Variants in ANK2 observed in about 807,000 individuals in gnomAD.
The protein encoded by ANK2 is ankyrin-2.
In ANK2, 83 loss-of-function variants were observed where a neutral mutation model predicts 360.5. That is an observed-to-expected ratio of 0.23 (90% CI 0.19 to 0.28). The LOEUF is 0.28. ANK2 is among the 10% of genes least tolerant of loss of function. The pLI, the probability that ANK2 is intolerant of heterozygous loss-of-function variation, is 1.00. For missense variants in ANK2, 4,201 were observed against 4,795.7 expected, an observed-to-expected ratio of 0.88 and a Z score of 3.66; for synonymous variants, 1,740 against 1,759.5, an observed-to-expected ratio of 0.99 and a Z score of 0.28.
chr4:112,777,220 C>A, the ANK2 span, among the ~76,000 whole-genome samples: 8 of 152,112 alleles, frequency 5.3e-5, no homozygotes, highest in African/African-American at 1.7e-4. Flanking sequence ...AACTGGCTCA[C>A]CAAGTAAATT....
chr4:113,050,015 T>A (rs1334859841), intron 1 of ANK2, among the ~76,000 whole-genome samples: 2 of 152,192 alleles, frequency 1.3e-5, no homozygotes, highest in South Asian at 2.1e-4. Context: ...TCATAATGGA[T>A]ACACTGACTG....
rs918734441 is a variant in ANK2, at chr4:113,353,589, A to G, written c.4971A>G (p.Thr1657=). The G allele has an allele frequency of 1.2e-6, 2 of 1,613,952 alleles. No individual in the cohort carries two copies. The highest frequency in any genetic ancestry group is 1.7e-6 in the Non-Finnish European group (2 of 1,179,972). ...CVPLPKEQLQ[T]VQDKAGKKCE... ...CTCTTCCCAAAGAGCAGCTGCAGACAGTTCAAGATAAGGCAGGGAAGAAAT... is the reference window on the plus strand; with the variant it reads ...CTCTTCCCAAAGAGCAGCTGCAGACGGTTCAAGATAAGGCAGGGAAGAAAT... Residue 1657 remains threonine, a synonymous_variant, in exon 38 of 46, where the codon ACA becomes ACG. Coordinates refer to ENST00000357077, the MANE Select transcript of ANK2 (RefSeq NM_001148.6).
chr4:113,211,239 G>A (rs901951159), intron 4 of ANK2, among the ~76,000 whole-genome samples: 4 of 152,154 alleles, frequency 2.6e-5, no homozygotes, highest in Admixed American at 6.5e-5. Flanking sequence ...ACAATGTATC[G>A]AGCTAATGAT....
Position 113,282,784 on chromosome 4 carries a change from C to T in ANK2, c.1991C>T (p.Thr664Ile), listed in dbSNP as rs750029439. ...AACATTGTGACAAAGCAAGGAGTAA[C>T]TCCACTCCATCTGGCCTCGCAGGAG... ...ETNIVTKQGV[T>I]PLHLASQEGH... The change falls in exon 18 of 46, where the codon ACT (threonine) becomes ATT (isoleucine). Residue 664 changes from threonine to isoleucine, a missense_variant. Physicochemically the swap from Thr to Ile is moderately conservative, Grantham distance 89 (BLOSUM62 -1). Transcript: ENST00000357077. 1 of 1,613,978 alleles carries T rather than the reference C, an allele frequency of 6.2e-7. No homozygotes were observed. The highest frequency in any genetic ancestry group is 2.2e-5 in the East Asian group (1 of 44,870).
chr4:112,752,931 G>A, the ANK2 span, among the ~76,000 whole-genome samples: 1 of 152,184 alleles, frequency 6.6e-6, no homozygotes, highest in African/African-American at 2.4e-5. Context: ...CTCCCAAAGT[G>A]CTGGGACTAC....
chr4:113,166,186 A>T (rs2097751113), intron 1 of ANK2, among the ~76,000 whole-genome samples: 1 of 152,146 alleles, frequency 6.6e-6, no homozygotes, highest in African/African-American at 2.4e-5. Flanking sequence ...AACACCTAAG[A>T]AAGTTTTCAC....
chr4:112,845,212 G>A (rs532715170), intron 1 of ANK2, among the ~76,000 whole-genome samples: 1 of 152,176 alleles, frequency 6.6e-6, no homozygotes, highest in African/African-American at 2.4e-5. Context: ...AGAATGTGGA[G>A]TAATGCAACA....
chr4:112,895,783 T>C (rs1309592192), intron 1 of ANK2, among the ~76,000 whole-genome samples: 3 of 152,238 alleles, frequency 2.0e-5, no homozygotes, highest in Admixed American at 2.0e-4. Flanking sequence ...GAGTTTATTT[T>C]CCTGAGTATT....
At chr4:112,933,494 A>C (rs1471387438) in intron 2 of ANK2, among the ~76,000 whole-genome samples, 2 of 150,730 alleles carry the variant, frequency 1.3e-5, no homozygotes, top group Non-Finnish European at 3.0e-5. Context: ...AGGATCAGAC[A>C]GTCTAATTCT....
intron 2 of ANK2, among the ~76,000 whole-genome samples, chr4:112,920,413 A>G (rs1398859730): frequency 2.6e-5 from 4 of 152,200 alleles, no homozygotes; most frequent in Non-Finnish European, 5.9e-5. Flanking sequence ...TGTGTTTTCT[A>G]TCAAAAAACC....
At chr4:113,207,686 CAAAAAAAAA>C (rs34818513) in intron 4 of ANK2, among the ~76,000 whole-genome samples, 3 of 101,654 alleles carry the variant, frequency 3.0e-5, no homozygotes, top group African/African-American at 1.0e-4. Context: ...GATCACAAAG[CAAAAAAAAA>C]AAAAAAAAAA....
chr4:112,850,640 C>T (rs2064726249), intron 1 of ANK2, among the ~76,000 whole-genome samples: 1 of 149,386 alleles, frequency 6.7e-6, no homozygotes, highest in African/African-American at 2.5e-5. Context: ...CCTCAGCCTC[C>T]CAAGTAGATG....
chr4:112,745,671 C>G, the ANK2 span, among the ~76,000 whole-genome samples: 2 of 151,700 alleles, frequency 1.3e-5, no homozygotes, highest in Admixed American at 6.6e-5. Flanking sequence ...GTAGCTGGGA[C>G]TATAGGCACC....
At chr4:112,831,864 T>C (rs1029593562) in intron 1 of ANK2, among the ~76,000 whole-genome samples, 4 of 151,980 alleles carry the variant, frequency 2.6e-5, no homozygotes, top group Non-Finnish European at 2.9e-5. Context: ...CTTTATGAAC[T>C]GTAACACTCA....
At chr4:112,903,694 CT>C (rs1295788450) in intron 1 of ANK2, among the ~76,000 whole-genome samples, 2 of 152,260 alleles carry the variant, frequency 1.3e-5, no homozygotes, top group African/African-American at 4.8e-5. Flanking sequence ...GCATTAAAAA[CT>C]TGTCCAATCT....
In ANK2 at chr4:113,312,999, CAT is replaced by C. The variant is rs151264428; in HGVS notation, c.2693+1601_2693+1602del. The stretch of plus-strand genomic sequence containing the variant: ...TAAAAAATTTGAGAGTTTTTTGAGA[CAT>C]GTGTAGGAGGCAAAACTAGTCAGAT... On this transcript the variant is annotated intron_variant, in intron 24 of 45. Coordinates refer to ENST00000357077, the MANE Select transcript of ANK2 (RefSeq NM_001148.6). Among the ~76,000 whole-genome samples, 438 of 152,162 alleles carry C rather than the reference CAT, an allele frequency of 2.9e-3. 1 individual carries two copies. Among genetic ancestry groups the C allele is most frequent in the African/African-American group, 9.6e-3 (400 of 41,520 alleles).
intron 2 of ANK2, among the ~76,000 whole-genome samples, chr4:112,925,990 T>G (rs1398948796): frequency 1.3e-5 from 2 of 152,244 alleles, no homozygotes; most frequent in African/African-American, 4.8e-5. Context: ...TGCTTGAATC[T>G]TTTATTTTTT....
chr4:113,357,183 A>C lies in ANK2; in HGVS notation c.8565A>C (p.Val2855=). The change falls in exon 38 of 46, where the codon GTA becomes GTC. Residue 2855 remains valine, a synonymous_variant. Coordinates refer to ENST00000357077, the MANE Select transcript of ANK2 (RefSeq NM_001148.6). ...SSSSSLPHCL[V]SEGKELDEDI... ...CATCCTCTTTGCCTCATTGTTTGGT[A>C]TCTGAAGGAAAAGAATTAGATGAAG... 1 of 1,614,156 alleles carries C rather than the reference A, an allele frequency of 6.2e-7. No individual in the cohort carries two copies. Among genetic ancestry groups the C allele is most frequent in the Non-Finnish European group, 8.5e-7 (1 of 1,179,988 alleles).
At chr4:112,745,108 C>T in the ANK2 span, among the ~76,000 whole-genome samples, 1 of 152,262 alleles carries the variant, frequency 6.6e-6, no homozygotes, top group South Asian at 2.1e-4. Context: ...TGTAAGCAGA[C>T]AGTCAATTTA....
Sources: gnomAD v4.1 joint callset for allele counts (sites outside exome capture counted in the v4.1 genomes callset) on GRCh38, gnomAD v4.1.1 for gene constraint, MANE v1.5 for transcripts, NCBI Gene and HGNC (gene_info 2026-07-23, HGNC 2026-07-21) for gene names.